The following CFAP46 variants were observed in gnomAD, a reference collection of about 807,000 sequenced individuals.
The protein encoded by CFAP46 is cilia- and flagella-associated protein 46.
CFAP46 carries 245 observed loss-of-function variants against 325.7 expected under a neutral mutation model. The ratio of observed to expected loss-of-function variants is 0.75; its 90% confidence interval spans 0.68 to 0.84. The LOEUF is 0.84. Ranked by LOEUF, CFAP46 falls within the 40% of genes least tolerant of loss-of-function variation. The pLI is 0.00. For missense variants in CFAP46, 3,346 were observed against 3,543.0 expected, an observed-to-expected ratio of 0.94 and a Z score of 1.41; for synonymous variants, 1,523 against 1,495.9, an observed-to-expected ratio of 1.02 and a Z score of -0.42.
intron 57 of CFAP46, among the ~76,000 whole-genome samples, chr10:132,809,897 T>C (rs1205486606): frequency 1.3e-5 from 2 of 152,188 alleles, no homozygotes; most frequent in Non-Finnish European, 2.9e-5. Flanking sequence ...AGGACGCCAA[T>C]GGGAGACACC....
At chr10:132,881,443 C>T (rs1849041603) in intron 27 of CFAP46, among the ~76,000 whole-genome samples, 1 of 152,210 alleles carries the variant, frequency 6.6e-6, no homozygotes, top group Non-Finnish European at 1.5e-5. Context: ...GGAAAGGAGG[C>T]CTCTGCAGGG....
In CFAP46 at chr10:132,869,219, C is replaced by A; in HGVS notation, c.4610+55G>T. 7.0e-7 allele frequency: 1 copy of A among 1,424,228 alleles called. No homozygotes were observed. 88.2% of individuals were successfully genotyped at this position (1,424,228 alleles called of 1,614,324 possible). On this transcript the variant is annotated intron_variant, in intron 33 of 57. Transcript: ENST00000368586. The surrounding 1 kb of genome is among the most constrained non-coding windows in gnomAD (Gnocchi z 6.2). ...GGCCGCGCAGCTGGCTTTCACCTGG[C>A]CGCACCAAGGGCGAGACTCAAACCC... is the stretch of plus-strand genomic sequence containing the variant.
intron 32 of CFAP46, among the ~76,000 whole-genome samples, chr10:132,870,335 G>C (rs958109206): frequency 2.6e-5 from 4 of 152,118 alleles, no homozygotes; most frequent in African/African-American, 9.7e-5. Flanking sequence ...GGGCTCTTAA[G>C]TGTTCCAGAG....
rs1591039570 is a variant in CFAP46, at chr10:132,828,562, G to A, written c.7117+4796C>T. Among the ~76,000 whole-genome samples the A allele has an allele frequency of 1.3e-5, 2 of 152,222 alleles. No individual in the cohort carries two copies. Among genetic ancestry groups the A allele is most frequent in the South Asian group, 4.1e-4 (2 of 4,824 alleles). On this transcript the variant is annotated intron_variant, in intron 50 of 57. Coordinates refer to ENST00000368586, the MANE Select transcript of CFAP46 (RefSeq NM_001200049.3). The surrounding 1 kb of genome is among the most constrained non-coding windows in gnomAD (Gnocchi z 4.9). Reference sequence around the variant, plus strand: ...TCTTTCTTATTATTCAGTTTTGAGAGTTCTTTATATAGTCTAAATTTGTTA... The same window carrying A: ...TCTTTCTTATTATTCAGTTTTGAGAATTCTTTATATAGTCTAAATTTGTTA...
intron 50 of CFAP46, among the ~76,000 whole-genome samples, chr10:132,821,953 GTGTGTGCTGTGTGTGCGCTGA>G (rs1847850317): frequency 1.5e-5 from 2 of 130,230 alleles, no homozygotes; most frequent in Non-Finnish European, 3.2e-5. Context: ...GTGTGCGCTT[GTGTGTGCTGTGTGTGCGCTGA>G]TGTGTGCTGT....
At chr10:132,865,954 G>A (rs1239207720) in intron 35 of CFAP46, 71 bp downstream of exon 35, 8 of 1,318,270 alleles carry the variant, frequency 6.1e-6, no homozygotes, top group Admixed American at 7.4e-5. Context: ...GCTTCTGCCC[G>A]CAGTCCCTCC....
At chr10:132,904,069 G>A (rs960378781) in intron 22 of CFAP46, among the ~76,000 whole-genome samples, 1 of 152,232 alleles carries the variant, frequency 6.6e-6, no homozygotes, top group Non-Finnish European at 1.5e-5. Flanking sequence ...TATCATAAAA[G>A]CTACTCTGTG....
chr10:132,851,269 C>T lies in CFAP46; in HGVS notation c.5611G>A (p.Ala1871Thr). The T allele has an allele frequency of 1.2e-6, 2 of 1,614,030 alleles. No individual in the cohort carries two copies. The highest frequency in any genetic ancestry group is 8.5e-7 in the Non-Finnish European group (1 of 1,180,030). Reference sequence around the variant, plus strand: ...TCCACGAGGCCGAGCTTGAGGCGCGCCAGCTTCCTCATCAGGGGCGTGTTG... The same window carrying T: ...TCCACGAGGCCGAGCTTGAGGCGCGTCAGCTTCCTCATCAGGGGCGTGTTG... ...NVNTPLMRKL[A>T]RLKLGLVEMA... The change falls in exon 40 of 58, where the codon GCG (alanine) becomes ACG (threonine). Residue 1871 changes from alanine (A) to threonine (T), a missense_variant. Ala to Thr is a moderately conservative substitution (Grantham distance 58). Coordinates refer to ENST00000368586, the MANE Select transcript of CFAP46 (RefSeq NM_001200049.3).
chr10:132,938,502 G>T, intron 5 of CFAP46, 87 bp downstream of exon 5: 2 of 1,265,332 alleles, frequency 1.6e-6, no homozygotes, highest in Non-Finnish European at 1.1e-6. Flanking sequence ...TGGAACTCCC[G>T]TCCCCCCCCC....
rs538080865 is a variant in CFAP46 at position 132,881,528 on chromosome 10, A to C, written c.3628-496T>G. Among the ~76,000 whole-genome samples, 93 of 152,318 alleles carry C rather than the reference A, an allele frequency of 6.1e-4. 1 individual carries two copies. The highest frequency in any genetic ancestry group is 3.4e-3 in the Middle Eastern group (1 of 294). On this transcript the variant is annotated intron_variant, in intron 27 of 57. Transcript: ENST00000368586. ...AGGCCTGGCCTGTGCAAACTTGGCC[A>C]TCATCGCTACAGAATTGTATGAGGC... is the stretch of plus-strand genomic sequence containing the variant.
chr10:132,926,656 T>C lies in CFAP46; in HGVS notation c.977A>G (p.Lys326Arg). Residue 326 changes from lysine to arginine, a missense_variant, in exon 10 of 58, where the codon AAG becomes AGG. Lys to Arg is a conservative substitution (Grantham distance 26). Transcript: ENST00000368586. The stretch of plus-strand genomic sequence containing the variant: ...CTCCAGACATTCCATTTCAATAAGC[T>C]TCCCAGGATCCTGCAGATATAAACA... Reference protein sequence around the residue: ...LKKMESKDPGKLIEMECLECE... With the variant: ...LKKMESKDPGRLIEMECLECE... 6 of 1,535,890 alleles carry C rather than the reference T, an allele frequency of 3.9e-6. No individual in the cohort carries two copies. The South Asian group carries it at 5.9e-5, about 15-fold the overall frequency.
intron 8 of CFAP46, among the ~76,000 whole-genome samples, chr10:132,932,284 C>T (rs2135701062): frequency 6.9e-6 from 1 of 144,684 alleles, no homozygotes; most frequent in Admixed American, 6.9e-5. Flanking sequence ...GGCCTCCCTC[C>T]TCTCCACACA....
intron 32 of CFAP46, among the ~76,000 whole-genome samples, chr10:132,871,525 G>T (rs1276771155): frequency 6.6e-6 from 1 of 152,174 alleles, no homozygotes; most frequent in Middle Eastern, 3.2e-3. Context: ...ACATTAACAG[G>T]AATTTGGAAG....
At chr10:132,920,263 C>A in intron 13 of CFAP46, 81 bp from the exon 14 acceptor site, 1 of 1,422,814 alleles carries the variant, frequency 7.0e-7, no homozygotes, top group East Asian at 2.7e-5. Context: ...CAATGCCCTG[C>A]GCCGGCGCCG....
chr10:132,916,075 T>C (rs1417221528), intron 17 of CFAP46, among the ~76,000 whole-genome samples: 1 of 152,218 alleles, frequency 6.6e-6, no homozygotes, highest in African/African-American at 2.4e-5. Flanking sequence ...ATTTTCTTAT[T>C]GACACACAAG....
chr10:132,876,366 A>C lies in CFAP46; in HGVS notation c.4362+446T>G, dbSNP rs1344118758. Among the ~76,000 whole-genome samples the C allele has an allele frequency of 5.9e-5, 9 of 152,170 alleles. No homozygotes were observed. In the South Asian group the frequency reaches 1.0e-3, roughly 18 times the overall value. On this transcript the variant is annotated intron_variant, in intron 31 of 57. Transcript: ENST00000368586. This position sits in a 1 kb window ranked among gnomAD's most constrained non-coding sequence, Gnocchi z 4.1. The stretch of plus-strand genomic sequence containing the variant: ...GGGAGCGGGAGATTTGATCCACACA[A>C]AAGAGGAGGCCACGTGACCACAGAG...
chr10:132,811,140 G>T, intron 55 of CFAP46, 109 bp from the exon 56 acceptor site: 1 of 928,264 alleles, frequency 1.1e-6, no homozygotes, highest in East Asian at 2.7e-5. Flanking sequence ...GGCATGGCAC[G>T]CTGGCCACTC....
At chr10:132,903,853 A>G (rs938833171) in intron 22 of CFAP46, among the ~76,000 whole-genome samples, 1 of 152,192 alleles carries the variant, frequency 6.6e-6, no homozygotes, top group Non-Finnish European at 1.5e-5. Flanking sequence ...TCCAAATGAC[A>G]CTCTTAAGAC....
chr10:132,857,441 T>A, intron 39 of CFAP46, 149 bp downstream of exon 39: 2 of 740,168 alleles, frequency 2.7e-6, no homozygotes, highest in Non-Finnish European at 4.3e-6. Context: ...TGTTTGTTTT[T>A]TTGTTGTTTC....
Sources: allele counts gnomAD v4.1 joint callset (sites outside exome capture counted in the v4.1 genomes callset), GRCh38; gene constraint gnomAD v4.1.1; non-coding constraint Gnocchi (gnomAD v3.1); transcripts MANE v1.5; gene names NCBI Gene and HGNC (gene_info 2026-07-23, HGNC 2026-07-21).